Variants in LIMS1 observed in about 807,000 individuals in gnomAD.
The protein encoded by LIMS1 is LIM and senescent cell antigen-like-containing domain protein 1.
A neutral mutation model predicts 44.1 loss-of-function variants in LIMS1; 18 were observed. That is an observed-to-expected ratio of 0.41 (90% confidence interval 0.28 to 0.61). The LOEUF is 0.61. LIMS1 is among the 20% of genes least tolerant of loss of function. The pLI is 0.32. For missense variants in LIMS1, 201 were observed against 422.0 expected (o/e 0.48, Z 4.59); for synonymous variants, 93 against 149.1 (o/e 0.62, Z 2.74).
In LIMS1 at chr2:108,662,200, T is replaced by G. The variant is rs757315730; in HGVS notation, c.192+2436T>G. The G allele has an allele frequency of 8.7e-6, 14 of 1,611,896 alleles. No individual in the cohort carries two copies. In the South Asian group the frequency reaches 1.4e-4, roughly 16 times the overall value. On this transcript the variant is annotated intron_variant, in intron 2 of 9. Transcript: ENST00000544547. ...CCTGTAGCTCCAGCCCTCCGTCACC[T>G]TCTTTCTCCCATTTTGCCTGTGACT...
At chr2:108,680,163 G>A (rs1426617846) in intron 8 of LIMS1, among the ~76,000 whole-genome samples, 1 of 151,904 alleles carries the variant, frequency 6.6e-6, no homozygotes, top group East Asian at 1.9e-4. Flanking sequence ...AAGGTCAAGA[G>A]ATTGAGACCA....
chr2:108,668,105 A>G (rs974776649), intron 2 of LIMS1, among the ~76,000 whole-genome samples: 17 of 152,168 alleles, frequency 1.1e-4, no homozygotes, highest in African/African-American at 4.1e-4. Context: ...CATGGGGCAC[A>G]GTGTGATGTT....
At chr2:108,543,349 A>G (rs964510483) in intron 1 of LIMS1, among the ~76,000 whole-genome samples, 2 of 152,218 alleles carry the variant, frequency 1.3e-5, no homozygotes, top group South Asian at 2.1e-4. Context: ...GCAGGCCTCC[A>G]TAACAACTGT....
intron 1 of LIMS1, among the ~76,000 whole-genome samples, chr2:108,637,735 G>A (rs371237540): frequency 4.6e-5 from 7 of 151,902 alleles, no homozygotes; most frequent in African/African-American, 1.7e-4. Flanking sequence ...ATCACAATAC[G>A]AATAAAAATA....
intron 1 of LIMS1, among the ~76,000 whole-genome samples, chr2:108,609,374 G>A (rs951167591): frequency 6.6e-6 from 1 of 152,024 alleles, no homozygotes; most frequent in African/African-American, 2.4e-5. Context: ...CTCCCCACCC[G>A]GAATTCTAAC....
intron 1 of LIMS1, among the ~76,000 whole-genome samples, chr2:108,578,151 C>T (rs1272689018): frequency 2.0e-5 from 3 of 152,124 alleles, no homozygotes; most frequent in Non-Finnish European, 2.9e-5. Flanking sequence ...CCTCGTGATC[C>T]ACCCGCCTTG....
chr2:108,563,664 T>A (rs1685198984), intron 1 of LIMS1, among the ~76,000 whole-genome samples: 1 of 152,250 alleles, frequency 6.6e-6, no homozygotes, highest in African/African-American at 2.4e-5. Flanking sequence ...CTACTCCTGA[T>A]GAACTTCCTG....
chr2:108,649,910 T>C (rs1573552539), intron 1 of LIMS1, among the ~76,000 whole-genome samples: 1 of 152,306 alleles, frequency 6.6e-6, no homozygotes, highest in East Asian at 1.9e-4. Context: ...GGCACATGTA[T>C]ACCTATGTAA....
chr2:108,545,244 T>C (rs765490869), intron 1 of LIMS1, among the ~76,000 whole-genome samples: 3 of 152,206 alleles, frequency 2.0e-5, no homozygotes, highest in Non-Finnish European at 2.9e-5. Context: ...GGGTATATGG[T>C]TTAACATCCT....
intron 1 of LIMS1, among the ~76,000 whole-genome samples, chr2:108,554,400 C>A (rs1331392643): frequency 6.6e-6 from 1 of 152,182 alleles, no homozygotes; most frequent in African/African-American, 2.4e-5. Flanking sequence ...CCTTCTCCCC[C>A]TGTACTTGGC....
At chr2:108,684,898 A>G (rs1355498645) in exon 10 of LIMS1, 2 of 152,076 alleles carry the variant, frequency 1.3e-5, no homozygotes, top group Non-Finnish European at 2.9e-5. Context: ...AACCATGCTA[A>G]TATCTATGCT....
rs531196998 is a variant in LIMS1, at chr2:108,680,971, A to G, written c.899+201A>G. On this transcript the variant is annotated intron_variant, in intron 9 of 9. Transcript: ENST00000544547. ...TTCCTTCTTTGTCCTACTCAAAGGGATAAGTTTGTTGAAATTGACCTAAAG... is the reference window on the plus strand; with the variant it reads ...TTCCTTCTTTGTCCTACTCAAAGGGGTAAGTTTGTTGAAATTGACCTAAAG... 2,087 of 1,289,102 alleles carry G rather than the reference A, an allele frequency of 1.6e-3. 2 individuals carry two copies. The highest frequency in any genetic ancestry group is 2.0e-3 in the Non-Finnish European group (2,028 of 993,812). The allele number at this position is 1,289,102 out of a possible 1,614,324, so 79.9% of individuals were successfully genotyped here. A position where few individuals can be genotyped will look rare whatever the true frequency, so the allele number is the denominator to read the frequency against.
intron 1 of LIMS1, among the ~76,000 whole-genome samples, chr2:108,598,570 G>C (rs1177929977): frequency 1.3e-5 from 2 of 152,200 alleles, no homozygotes; most frequent in East Asian, 1.9e-4. Context: ...TAGCCATCTG[G>C]GGGGTGGTGG....
At chr2:108,607,395 G>C in intron 1 of LIMS1, 1 of 833,694 alleles carries the variant, frequency 1.2e-6, no homozygotes, top group Admixed American at 2.2e-5. Context: ...TTTTACACAA[G>C]GGTGTATTTT....
intron 2 of LIMS1, chr2:108,662,600 A>C: frequency 4.8e-6 from 5 of 1,041,110 alleles, no homozygotes; most frequent in Non-Finnish European, 6.1e-6. Context: ...CATCTGGAGA[A>C]TAAGACATTT....
chr2:108,602,615 T>C (rs928399094), intron 1 of LIMS1, among the ~76,000 whole-genome samples: 25 of 152,216 alleles, frequency 1.6e-4, no homozygotes, highest in Admixed American at 7.2e-4. Flanking sequence ...TCACACTGAT[T>C]GATTTGCATG....
intron 1 of LIMS1, chr2:108,655,140 C>CT: frequency 6.3e-7 from 1 of 1,590,372 alleles, no homozygotes; most frequent in Non-Finnish European, 8.6e-7. Context: ...CCCGAGCAGC[C>CT]CTTAACACTG....
intron 1 of LIMS1, among the ~76,000 whole-genome samples, chr2:108,544,952 C>A (rs545097980): frequency 2.6e-5 from 4 of 152,154 alleles, no homozygotes; most frequent in African/African-American, 9.7e-5. Flanking sequence ...AGCATCACAC[C>A]TGAAAAAGAT....
intron 1 of LIMS1, among the ~76,000 whole-genome samples, chr2:108,634,282 A>G (rs1206236532): frequency 6.6e-6 from 1 of 152,192 alleles, no homozygotes; most frequent in African/African-American, 2.4e-5. Context: ...AGTGACTCTC[A>G]TGTTAATTCA....
Sources: gnomAD v4.1 joint callset for allele counts (sites outside exome capture counted in the v4.1 genomes callset) on GRCh38, gnomAD v4.1.1 for gene constraint, MANE v1.5 for transcripts, NCBI Gene and HGNC (gene_info 2026-07-23, HGNC 2026-07-21) for gene names.